The following FERMT3 variants were observed in gnomAD, a reference collection of about 807,000 sequenced individuals.
FERMT3 encodes the protein FERM domain containing kindlin 3.
A neutral mutation model predicts 80.8 loss-of-function variants in FERMT3; 33 were observed. The observed-to-expected ratio is 0.41, with a 90% CI of 0.31 to 0.55. The LOEUF is 0.55. Ranked by LOEUF, FERMT3 falls within the 20% of genes least tolerant of loss-of-function variation. The probability of loss-of-function intolerance (pLI) is 0.31; values close to 1 mark genes in which losing one functional copy is unlikely to be tolerated. For synonymous variants in FERMT3, 375 were observed against 372.2 expected (o/e 1.01, Z -0.09); for missense variants, 754 against 908.7 (o/e 0.83, Z 2.19).
chr11:64,208,629 A>G (rs1946370021), intron 2 of FERMT3, among the ~76,000 whole-genome samples: 1 of 152,194 alleles, frequency 6.6e-6, no homozygotes, highest in Non-Finnish European at 1.5e-5. Context: ...AGAGGGCGCT[A>G]TCATGGGGGC....
At chr11:64,206,468 AAC>A (rs1221820325), upstream of FERMT3, among the ~76,000 whole-genome samples, 1 of 152,234 alleles carries the variant, frequency 6.6e-6, no homozygotes, top group Non-Finnish European at 1.5e-5. Flanking sequence ...CCTAGCCCTG[AAC>A]ACACACAGCC....
chr11:64,219,635 G>A lies in FERMT3; in HGVS notation c.1006G>A (p.Gly336Arg). The change falls in exon 8 of 15, where the codon GGG becomes AGG. Residue 336 changes from glycine (G) to arginine (R), a missense_variant. By Grantham distance (125) the Gly-to-Arg change is moderately radical. Coordinates refer to ENST00000345728, the MANE Select transcript of FERMT3 (RefSeq NM_031471.6). The surrounding 1 kb of genome is among the most constrained non-coding windows in gnomAD (Gnocchi z 4.0). ...GAGCAACCTGGAGGTGAAGCTGGAG[G>A]GGTCGGCGCCCACAGATGTGCTGGT... ...ALSNLEVKLEGSAPTDVLDSL... is the reference protein window; with the variant it reads ...ALSNLEVKLERSAPTDVLDSL... 6.2e-7 allele frequency: 1 copy of A among 1,613,430 alleles called. No individual in the cohort carries two copies.
At chr11:64,206,598 TGGG>T (rs1243294443), upstream of FERMT3, 1 of 152,364 alleles carries the variant, frequency 6.6e-6, no homozygotes. Flanking sequence ...GGGACAAAGG[TGGG>T]GGGGCCCCTG....
In FERMT3 at chr11:64,220,511, A is replaced by G. The variant is rs1001776051; in HGVS notation, c.1387A>G (p.Thr463Ala). 2 of 1,607,782 alleles carry G rather than the reference A, an allele frequency of 1.2e-6. No homozygotes were observed. Among genetic ancestry groups the G allele is most frequent in the Non-Finnish European group, 1.7e-6 (2 of 1,177,658 alleles). Residue 463 changes from threonine to alanine, a missense_variant, in exon 12 of 15, where the codon ACC (threonine) becomes GCC (alanine). Physicochemically the swap from Thr to Ala is moderately conservative, Grantham distance 58 (BLOSUM62 0). Coordinates refer to ENST00000345728, the MANE Select transcript of FERMT3 (RefSeq NM_031471.6). ...CCGCACCATGGCCGACAGCAGCTAC[A>G]CCAGCGAGGTGCAGGCCATCCTGGC... ...KGRTMADSSY[T>A]SEVQAILAFL...
chr11:64,211,757 G>T lies in FERMT3; in HGVS notation c.786+10G>T, dbSNP rs371382691. On this transcript the variant is annotated intron_variant, in intron 6 of 14. Transcript: ENST00000345728. This position sits in a 1 kb window ranked among gnomAD's most constrained non-coding sequence, Gnocchi z 4.7. ...CGATTTGGATCCCAAGGTGGGTCGG[G>T]GCAGGGAGAAAGCGGGCCTCAGGTC... is the stretch of plus-strand genomic sequence containing the variant. 7.6e-5 allele frequency: 122 copies of T among 1,613,868 alleles called. No individual in the cohort carries two copies. The highest frequency in any genetic ancestry group is 9.7e-5 in the Non-Finnish European group (115 of 1,179,908).
Position 64,223,591 on chromosome 11 carries a change from G to T in FERMT3, c.*99G>T. ...ACTGCCCCACACCCGCTCCAGGCAG[G>T]CACCCAGCTGGGCATTTCACCTGCT... On this transcript the variant is annotated 3_prime_UTR_variant, in exon 15 of 15. Transcript: ENST00000345728. 7.1e-7 allele frequency: 1 copy of T among 1,402,980 alleles called. No homozygotes were observed. Among genetic ancestry groups the T allele is most frequent in the East Asian group, 2.5e-5 (1 of 40,418 alleles). The allele number at this position is 1,402,980 out of a possible 1,614,324, so 86.9% of individuals were successfully genotyped here.
chr11:64,223,776 A>C lies in FERMT3; in HGVS notation c.*284A>C, dbSNP rs1007116205. ...CCTGACCTATCTGCAGTCCCCCAGC[A>C]CACAAGGAAGACCAGATGTAGCTAC... On this transcript the variant is annotated 3_prime_UTR_variant, in exon 15 of 15. Coordinates refer to ENST00000345728, the MANE Select transcript of FERMT3 (RefSeq NM_031471.6). The C allele has an allele frequency of 2.2e-6, 2 of 923,092 alleles. No individual in the cohort carries two copies. Among genetic ancestry groups the C allele is most frequent in the Non-Finnish European group, 3.3e-6 (2 of 610,846 alleles). 57.2% of individuals were successfully genotyped at this position (923,092 alleles called of 1,614,324 possible). A position where few individuals can be genotyped will look rare whatever the true frequency, so the allele number is the denominator to read the frequency against.
chr11:64,207,548 T>A, intron 2 of FERMT3, 24 bp downstream of exon 2: 1 of 1,585,612 alleles, frequency 6.3e-7, no homozygotes, highest in Non-Finnish European at 8.6e-7. Context: ...GCCCGCTTGC[T>A]GAACTCGGCA....
chr11:64,211,675 G>A lies in FERMT3; in HGVS notation c.714G>A (p.Gln238=). ...TGGACTCGTCGCGGTGTCTCATGCA[G>A]CAGGGCATCAAGGCCGGGGACGCAC... ...RWLDSSRCLM[Q]QGIKAGDALW... Residue 238 remains glutamine, a synonymous_variant, in exon 6 of 15, where the codon CAG becomes CAA. Coordinates refer to ENST00000345728, the MANE Select transcript of FERMT3 (RefSeq NM_031471.6). This position sits in a 1 kb window ranked among gnomAD's most constrained non-coding sequence, Gnocchi z 4.7. 6.2e-7 allele frequency: 1 copy of A among 1,614,198 alleles called. No individual in the cohort carries two copies.
rs1454752484 is a variant in FERMT3 at position 64,221,051 on chromosome 11, G to A, written c.1581G>A (p.Val527=). ...GGATCCTGGAAGCCCACCAGAATGTGGCCCAGTTGTCGCTGGCAGAGGCCC... is the reference window on the plus strand; with the variant it reads ...GGATCCTGGAAGCCCACCAGAATGTAGCCCAGTTGTCGCTGGCAGAGGCCC... ...TPRILEAHQN[V]AQLSLAEAQL... Residue 527 remains valine (V), a synonymous_variant, in exon 13 of 15, where the codon GTG becomes GTA. Transcript: ENST00000345728. 6.2e-7 allele frequency: 1 copy of A among 1,612,842 alleles called. No individual in the cohort carries two copies.
chr11:64,215,552 G>T (rs1946531812), intron 6 of FERMT3, among the ~76,000 whole-genome samples: 1 of 152,040 alleles, frequency 6.6e-6, no homozygotes, highest in African/African-American at 2.4e-5. Context: ...TATTTTAATA[G>T]AACCAAATTT....
chr11:64,207,341 C>G lies in FERMT3; in HGVS notation c.-14-10C>G, dbSNP rs201247015. 3.7e-6 allele frequency: 6 copies of G among 1,613,834 alleles called. No individual in the cohort carries two copies. The African/African-American group carries it at 4.0e-5, about 11-fold the overall frequency. On this transcript the variant is annotated splice_polypyrimidine_tract_variant and intron_variant, in intron 1 of 14. Coordinates refer to ENST00000345728, the MANE Select transcript of FERMT3 (RefSeq NM_031471.6). ...CCTGCCCACCTTGCCTCCTTCCACA[C>G]TCTCTGTAGCAGCAGCCGCAGCCAT... is the stretch of plus-strand genomic sequence containing the variant.
chr11:64,221,466 C>CA (rs1159170939), intron 13 of FERMT3, among the ~76,000 whole-genome samples: 1 of 151,878 alleles, frequency 6.6e-6, no homozygotes, highest in African/African-American at 2.4e-5. Flanking sequence ...CTCGTCTCTA[C>CA]AAAAAATTGT....
intron 13 of FERMT3, among the ~76,000 whole-genome samples, chr11:64,221,367 G>C (rs554237179): frequency 1.4e-4 from 22 of 152,344 alleles, no homozygotes; most frequent in Non-Finnish European, 2.6e-4. Context: ...TGGGGCTCAT[G>C]CCTGTAATCT....
intron 6 of FERMT3, among the ~76,000 whole-genome samples, chr11:64,213,683 G>A (rs897956783): frequency 2.0e-5 from 3 of 149,000 alleles, no homozygotes; most frequent in Non-Finnish European, 4.4e-5. Flanking sequence ...TCAGCCTCCC[G>A]AGTAGCTGGG....
In FERMT3 at chr11:64,211,797, A is replaced by G; in HGVS notation, c.786+50A>G. On this transcript the variant is annotated intron_variant, in intron 6 of 14. Transcript: ENST00000345728. This position sits in a 1 kb window ranked among gnomAD's most constrained non-coding sequence, Gnocchi z 4.7. ...GGCCTCAGGTCCATGAGATGTGGAG[A>G]CCTAGGGCCTGGGGTATGGGCTCTG... The G allele has an allele frequency of 6.4e-7, 1 of 1,559,610 alleles. No individual in the cohort carries two copies. Among genetic ancestry groups the G allele is most frequent in the Non-Finnish European group, 8.8e-7 (1 of 1,131,218 alleles).
At position 64,220,489 on chromosome 11, in the gene FERMT3, C is replaced by T. The variant is rs769163404; in HGVS notation, c.1365C>T (p.Arg455=). Residue 455 remains arginine (R), a synonymous_variant, in exon 12 of 15, where the codon CGC becomes CGT. Coordinates refer to ENST00000345728, the MANE Select transcript of FERMT3 (RefSeq NM_031471.6). ...GCTGCCGCCTGGCCTCCAAAGGCCG[C>T]ACCATGGCCGACAGCAGCTACACCA... The part of the protein sequence containing the change: ...MAGCRLASKG[R]TMADSSYTSE... The T allele has an allele frequency of 7.5e-6, 12 of 1,609,350 alleles. No individual in the cohort carries two copies. Among genetic ancestry groups the T allele is most frequent in the Middle Eastern group, 1.7e-4 (1 of 6,058 alleles).
chr11:64,223,386 A>C lies in FERMT3; in HGVS notation c.1886A>C (p.Glu629Ala), dbSNP rs1272944950. ...TCTGCCAGCTGCCGAATTGTACACG[A>C]GTATATCGGGGGCTACATTTTCCTG... ...CVSASCRIVH[E>A]YIGGYIFLST... The change falls in exon 15 of 15, where the codon GAG (glutamate) becomes GCG (alanine). Residue 629 changes from glutamate (E) to alanine (A), a missense_variant. By Grantham distance (107) the Glu-to-Ala change is moderately radical. Transcript: ENST00000345728. The C allele has an allele frequency of 6.2e-7, 1 of 1,613,950 alleles. No homozygotes were observed. Among genetic ancestry groups the C allele is most frequent in the Admixed American group, 1.7e-5 (1 of 60,022 alleles).
rs1355965683 is a variant in FERMT3, at chr11:64,219,399, G to A, written c.894+41G>A. On this transcript the variant is annotated intron_variant, in intron 7 of 14. Coordinates refer to ENST00000345728, the MANE Select transcript of FERMT3 (RefSeq NM_031471.6). The surrounding 1 kb of genome is among the most constrained non-coding windows in gnomAD (Gnocchi z 4.0). ...GGGGGCACCAGGGCAGGTGGGAGGTGAGCCAGTCCCAGGGCAGGAAGGGCC... is the reference window on the plus strand; with the variant it reads ...GGGGGCACCAGGGCAGGTGGGAGGTAAGCCAGTCCCAGGGCAGGAAGGGCC... The A allele has an allele frequency of 1.3e-6, 2 of 1,568,938 alleles. No individual in the cohort carries two copies. Among genetic ancestry groups the A allele is most frequent in the South Asian group, 1.2e-5 (1 of 86,130 alleles).
Sources: gnomAD v4.1 joint callset for allele counts (sites outside exome capture counted in the v4.1 genomes callset) on GRCh38, gnomAD v4.1.1 for gene constraint, Gnocchi (gnomAD v3.1) non-coding constraint, MANE v1.5 for transcripts, NCBI Gene and HGNC (gene_info 2026-07-23, HGNC 2026-07-21) for gene names.